The following PCP4 variants were observed in gnomAD, a reference collection of about 807,000 sequenced individuals.
The protein encoded by PCP4 is Purkinje cell protein 4.
Under a neutral mutation model 10.0 loss-of-function variants are expected in PCP4, and 8 were observed. The ratio of observed to expected loss-of-function variants is 0.80; its 90% CI spans 0.47 to 1.45. The LOEUF (loss-of-function observed/expected upper bound fraction) is 1.45, where lower values mean the gene tolerates loss of function less well. Among genes scored for constraint, PCP4 ranks in the 40% most tolerant of loss-of-function variants. PCP4 has a pLI of 0.00. For synonymous variants in PCP4, 21 were observed against 23.0 expected, an observed-to-expected ratio of 0.91 and a Z score of 0.24; for missense variants, 54 against 74.4, an observed-to-expected ratio of 0.73 and a Z score of 1.01.
At chr21:39,924,697 A>G (rs1389437445) in intron 2 of PCP4, among the ~76,000 whole-genome samples, 3 of 152,106 alleles carry the variant, frequency 2.0e-5, no homozygotes, top group African/African-American at 7.2e-5. Context: ...CTGTGTAAAA[A>G]TTAGCTGCCA....
intron 1 of PCP4, among the ~76,000 whole-genome samples, chr21:39,891,485 AG>A (rs2146333756): frequency 6.6e-6 from 1 of 152,330 alleles, no homozygotes; most frequent in South Asian, 2.1e-4. Context: ...CTGGTGGTGT[AG>A]GGTCCAGCCC....
chr21:39,923,529 A>G (rs2087606752), intron 2 of PCP4, among the ~76,000 whole-genome samples: 1 of 152,232 alleles, frequency 6.6e-6, no homozygotes, highest in Non-Finnish European at 1.5e-5. Flanking sequence ...GGACTGGAGT[A>G]TGGAGGCATC....
intron 1 of PCP4, among the ~76,000 whole-genome samples, chr21:39,888,959 C>T (rs1333008283): frequency 6.6e-6 from 1 of 152,218 alleles, no homozygotes; most frequent in East Asian, 1.9e-4. Flanking sequence ...CTGGGAGACA[C>T]CACAGTCCTT....
intron 2 of PCP4, among the ~76,000 whole-genome samples, chr21:39,903,867 C>CAAAAAAAAAAAAAAAAAAAAA (rs1210365373): frequency 2.9e-5 from 1 of 34,822 alleles, no homozygotes; most frequent in Non-Finnish European, 5.9e-5. Flanking sequence ...GACTCCGTCT[C>CAAAAAAAAAAAAAAAAAAAAA]AAAAAAAACA....
chr21:39,908,952 A>G (rs909528917), intron 2 of PCP4, among the ~76,000 whole-genome samples: 1 of 152,152 alleles, frequency 6.6e-6, no homozygotes, highest in South Asian at 2.1e-4. Context: ...AATATGAGAA[A>G]TGACCATCTC....
chr21:39,899,599 T>C (rs3787930), intron 2 of PCP4, among the ~76,000 whole-genome samples: 8,734 of 152,154 alleles, frequency 0.057, 292 homozygotes, highest in South Asian at 0.075. Context: ...CAGTGTTCCC[T>C]GGGTAAAGGG....
intron 2 of PCP4, among the ~76,000 whole-genome samples, chr21:39,918,672 C>A (rs1357251872): frequency 6.6e-6 from 1 of 152,184 alleles, no homozygotes; most frequent in Admixed American, 6.5e-5. Flanking sequence ...AATGCCTGAA[C>A]TTGCTCATTA....
intron 2 of PCP4, among the ~76,000 whole-genome samples, chr21:39,926,558 G>C (rs1315987515): frequency 6.6e-6 from 1 of 152,148 alleles, no homozygotes; most frequent in Non-Finnish European, 1.5e-5. Context: ...TCCTCTGGGA[G>C]TAGAAGGATT....
chr21:39,917,626 A>G (rs1346586525), intron 2 of PCP4, among the ~76,000 whole-genome samples: 1 of 152,220 alleles, frequency 6.6e-6, no homozygotes, highest in East Asian at 1.9e-4. Flanking sequence ...CAAGGATTTG[A>G]ACCTCAGGAA....
chr21:39,914,914 C>T (rs545683399), intron 2 of PCP4, among the ~76,000 whole-genome samples: 1 of 152,088 alleles, frequency 6.6e-6, no homozygotes, highest in Admixed American at 6.5e-5. Context: ...CCTGGTAAAA[C>T]CAGGGAATAT....
rs535105329 is a variant in PCP4 at position 39,907,597 on chromosome 21, G to A, written c.61+9070G>A. Reference sequence around the variant, plus strand: ...GATCACCTGAAGTCAGGAGTTTGAGGCCAGCCTGGCCAACATGGTGAAACT... The same window carrying A: ...GATCACCTGAAGTCAGGAGTTTGAGACCAGCCTGGCCAACATGGTGAAACT... On this transcript the variant is annotated intron_variant, in intron 2 of 2. Transcript: ENST00000328619. 9.9e-5 allele frequency among the ~76,000 whole-genome samples: 15 copies of A among 152,150 alleles called. No homozygotes were observed. The South Asian group carries it at 3.1e-3, about 32-fold the overall frequency.
chr21:39,887,124 G>A (rs2087404084), intron 1 of PCP4, among the ~76,000 whole-genome samples: 1 of 152,076 alleles, frequency 6.6e-6, no homozygotes, highest in Non-Finnish European at 1.5e-5. Context: ...TGAAAATGAT[G>A]GTACGTTTAT....
chr21:39,922,283 T>G (rs921470025), intron 2 of PCP4, among the ~76,000 whole-genome samples: 3 of 152,230 alleles, frequency 2.0e-5, no homozygotes, highest in Admixed American at 2.0e-4. Context: ...CTTGAGTATA[T>G]GAGGGAGGAT....
intron 1 of PCP4, among the ~76,000 whole-genome samples, chr21:39,880,143 T>C (rs890949586): frequency 1.8e-5 from 2 of 111,080 alleles, no homozygotes; most frequent in African/African-American, 9.3e-5. Context: ...TCTATATCTA[T>C]ATCTATATCT....
chr21:39,891,292 C>T (rs2087429855), intron 1 of PCP4, among the ~76,000 whole-genome samples: 1 of 152,214 alleles, frequency 6.6e-6, no homozygotes. Flanking sequence ...GCTCTGCAGA[C>T]TTCAGGCAGG....
chr21:39,927,279 G>GATCTATCTATCT (rs10526940), intron 2 of PCP4, among the ~76,000 whole-genome samples: 165 of 139,328 alleles, frequency 1.2e-3, no homozygotes, highest in African/African-American at 3.9e-3. Context: ...CTGTCTCTCT[G>GATCTATCTATCT]ATCTATCTAT....
At position 39,874,272 on chromosome 21, in the gene PCP4, G is replaced by A. The variant is rs2146324780; in HGVS notation, c.9+6762G>A. Among the ~76,000 whole-genome samples, 3 of 152,200 alleles carry A rather than the reference G, an allele frequency of 2.0e-5. No homozygotes were observed. In the South Asian group the frequency reaches 6.2e-4, roughly 32 times the overall value. On this transcript the variant is annotated intron_variant, in intron 1 of 2. Coordinates refer to ENST00000328619, the MANE Select transcript of PCP4 (RefSeq NM_006198.3). ...TCTTGGACTTGGATGAGACTAAAACGTCTCCAGCCATACACGAGTCAGACC... is the reference window on the plus strand; with the variant it reads ...TCTTGGACTTGGATGAGACTAAAACATCTCCAGCCATACACGAGTCAGACC...
chr21:39,867,875 C>T (rs1489597399), intron 1 of PCP4, among the ~76,000 whole-genome samples: 1 of 152,072 alleles, frequency 6.6e-6, no homozygotes, highest in East Asian at 1.9e-4. Context: ...TGTGAGTGGG[C>T]AGGTGGTCAT....
At chr21:39,916,138 G>A (rs375969410) in intron 2 of PCP4, 1 of 152,254 alleles carries the variant, frequency 6.6e-6, no homozygotes, top group Middle Eastern at 3.4e-3. Flanking sequence ...CTGATTCCTG[G>A]GAAGGAATTT....
Sources: allele counts gnomAD v4.1 joint callset (sites outside exome capture counted in the v4.1 genomes callset), GRCh38; gene constraint gnomAD v4.1.1; transcripts MANE v1.5; gene names NCBI Gene and HGNC (gene_info 2026-07-23, HGNC 2026-07-21).